The following NEDD9 variants were observed in gnomAD, a reference collection of about 807,000 sequenced individuals.
NEDD9 encodes neural precursor cell expressed, developmentally down-regulated 9.
NEDD9 carries 26 observed loss-of-function variants against 76.6 expected under a neutral mutation model. The observed-to-expected ratio is 0.34, with a 90% CI of 0.25 to 0.47. The LOEUF (loss-of-function observed/expected upper bound fraction) is 0.47. Among genes scored for constraint, NEDD9 ranks in the 20% least tolerant of loss-of-function variants. The probability of loss-of-function intolerance (pLI) is 1.00; values close to 1 mark genes in which losing one functional copy is unlikely to be tolerated. For missense variants in NEDD9, 937 were observed against 1,058.5 expected, an observed-to-expected ratio of 0.89 and a Z score of 1.59; for synonymous variants, 392 against 414.2, an observed-to-expected ratio of 0.95 and a Z score of 0.65.
At chr6:11,197,121 A>G (rs1487876497) in intron 2 of NEDD9, among the ~76,000 whole-genome samples, 1 of 152,156 alleles carries the variant, frequency 6.6e-6, no homozygotes, top group African/African-American at 2.4e-5. Context: ...AGGGGACCTC[A>G]AGTTTGGAAG....
intron 1 of NEDD9, among the ~76,000 whole-genome samples, chr6:11,226,909 G>T (rs1759324339): frequency 1.3e-5 from 2 of 152,178 alleles, no homozygotes; most frequent in African/African-American, 4.8e-5. Flanking sequence ...GGAAAAGAAG[G>T]TTTAAAGTAG....
At chr6:11,334,546 C>G (rs2113510148) in exon 2 of NEDD9, 1 of 152,308 alleles carries the variant, frequency 6.6e-6, no homozygotes, top group South Asian at 2.1e-4. Flanking sequence ...GTTTCTTTCC[C>G]CATTATTCAT....
chr6:11,286,348 T>C (rs774885913), intron 3 of NEDD9, among the ~76,000 whole-genome samples: 3 of 152,194 alleles, frequency 2.0e-5, no homozygotes, highest in African/African-American at 7.2e-5. Flanking sequence ...GACCATAAAA[T>C]GTGTTGGCAA....
rs559591917 is a variant in NEDD9 at position 11,367,708 on chromosome 6, T to A, written c.-214+14431A>T. Among the ~76,000 whole-genome samples the A allele has an allele frequency of 7.2e-4, 109 of 152,348 alleles. 3 individuals are homozygous for A. In the South Asian group the frequency reaches 0.022, roughly 30 times the overall value. Reference sequence around the variant, plus strand: ...TTATTTTTAGTGGAAAGTTTTGTAATGGTTCCTGTCTAATGTTTAACTCTT... The same window carrying A: ...TTATTTTTAGTGGAAAGTTTTGTAAAGGTTCCTGTCTAATGTTTAACTCTT... On this transcript the variant is annotated intron_variant, in intron 1 of 3. Transcript: ENST00000397378.
chr6:11,269,575 C>T (rs759296083), intron 3 of NEDD9, among the ~76,000 whole-genome samples: 3 of 152,020 alleles, frequency 2.0e-5, no homozygotes, highest in Non-Finnish European at 4.4e-5. Context: ...GCCATGCACT[C>T]AATTAAATAA....
upstream of NEDD9, among the ~76,000 whole-genome samples, chr6:11,235,222 T>A (rs1759574614): frequency 3.9e-5 from 6 of 152,140 alleles, no homozygotes. The surrounding 1 kb of genome is among the most constrained non-coding windows in gnomAD (Gnocchi z 4.1). Context: ...TTTGTTAATA[T>A]TTTATGACAT....
rs2113703722 is a variant in NEDD9, at chr6:11,183,810, T to G, written c.*1352A>C. 6.6e-6 allele frequency: 1 copy of G among 152,312 alleles called. No individual in the cohort carries two copies. Among genetic ancestry groups the G allele is most frequent in the South Asian group, 2.1e-4 (1 of 4,830 alleles). The allele number at this position is 152,312 out of a possible 1,614,324, so 9.4% of individuals were successfully genotyped here. ...TGGAATAAAAATGCTAAATAAGAAC[T>G]GGGCCAAAAGATCATAGATAATGTG... On this transcript the variant is annotated 3_prime_UTR_variant, in exon 7 of 7. Transcript: ENST00000379446.
Position 11,185,655 on chromosome 6 carries a change from A to C in NEDD9, c.2012T>G (p.Leu671Arg). The C allele has an allele frequency of 1.2e-6, 2 of 1,614,204 alleles. No homozygotes were observed. Among genetic ancestry groups the C allele is most frequent in the Non-Finnish European group, 8.5e-7 (1 of 1,180,030 alleles). The change falls in exon 7 of 7, where the codon CTG (leucine) becomes CGG (arginine). Residue 671 changes from leucine to arginine, a missense_variant. Leu to Arg is a moderately radical substitution (Grantham distance 102). Coordinates refer to ENST00000379446, the MANE Select transcript of NEDD9 (RefSeq NM_006403.4). The part of the protein sequence containing the change: ...LEHHQLSQFQ[L>R]LEQEITKPVE... ...GGGCTTTGTAATCTCTTGTTCCAACAGCTGGAACTGGCTCAGCTGCAAGGA... is the reference window on the plus strand; with the variant it reads ...GGGCTTTGTAATCTCTTGTTCCAACCGCTGGAACTGGCTCAGCTGCAAGGA...
At chr6:11,369,807 C>T (rs1183428781) in intron 1 of NEDD9, among the ~76,000 whole-genome samples, 1 of 152,128 alleles carries the variant, frequency 6.6e-6, no homozygotes, top group Admixed American at 6.5e-5. Context: ...TTCTTTTTCA[C>T]CAGTAGCACA....
intron 2 of NEDD9, among the ~76,000 whole-genome samples, chr6:11,308,852 TA>T (rs1390462459): frequency 6.6e-6 from 1 of 152,232 alleles, no homozygotes; most frequent in Non-Finnish European, 1.5e-5. Context: ...TCCTTTGTTT[TA>T]AACTCATGAT....
chr6:11,319,637 A>G (rs1761716203), intron 2 of NEDD9, among the ~76,000 whole-genome samples: 1 of 144,390 alleles, frequency 6.9e-6, no homozygotes. Flanking sequence ...ACACACTAAC[A>G]TGCACACTCA....
At chr6:11,294,478 T>A (rs1760847023) in intron 3 of NEDD9, among the ~76,000 whole-genome samples, 1 of 152,140 alleles carries the variant, frequency 6.6e-6, no homozygotes, top group Admixed American at 6.5e-5. Flanking sequence ...CTCCCTCTCC[T>A]GTTCCAGCCA....
At chr6:11,232,335 G>C (rs1172418157) in intron 1 of NEDD9, among the ~76,000 whole-genome samples, 169 bp downstream of exon 1, 1 of 149,950 alleles carries the variant, frequency 6.7e-6, no homozygotes. Context: ...CTCAAAGACC[G>C]GGTCTCTGCT....
intron 2 of NEDD9, among the ~76,000 whole-genome samples, chr6:11,314,619 ATCCAG>A (rs1761490672): frequency 6.6e-6 from 1 of 152,150 alleles, no homozygotes; most frequent in Non-Finnish European, 1.5e-5. Context: ...CTTGTGGACC[ATCCAG>A]TCTATGTTTT....
intron 2 of NEDD9, among the ~76,000 whole-genome samples, chr6:11,321,252 C>T (rs1761794188): frequency 6.6e-6 from 1 of 151,814 alleles, no homozygotes; most frequent in Non-Finnish European, 1.5e-5. Context: ...AGGGAATTGG[C>T]TCTTTCCTGA....
At chr6:11,376,592 G>A (rs1009949889) in intron 1 of NEDD9, among the ~76,000 whole-genome samples, 1 of 152,180 alleles carries the variant, frequency 6.6e-6, no homozygotes, top group Non-Finnish European at 1.5e-5. Flanking sequence ...TTCAAGAGGT[G>A]ACTTGGCTAC....
rs532250200 is a variant in NEDD9, at chr6:11,208,895, C to T, written c.459+4386G>A. ...TTGAACATTTGTAGATTTCATTTAC[C>T]CCAAACCATAATCCCATATTAAGTA... On this transcript the variant is annotated intron_variant, in intron 2 of 6. Coordinates refer to ENST00000379446, the MANE Select transcript of NEDD9 (RefSeq NM_006403.4). Among the ~76,000 whole-genome samples the T allele has an allele frequency of 2.0e-5, 3 of 152,170 alleles. No individual in the cohort carries two copies. The South Asian group carries it at 6.2e-4, about 32-fold the overall frequency.
intron 2 of NEDD9, among the ~76,000 whole-genome samples, chr6:11,211,248 T>C (rs1232133405): frequency 1.3e-5 from 2 of 152,206 alleles, no homozygotes; most frequent in African/African-American, 4.8e-5. Flanking sequence ...TGAGTCCGTA[T>C]CTCTGCCCTC....
chr6:11,201,902 T>C (rs1207842234), intron 2 of NEDD9, among the ~76,000 whole-genome samples: 1 of 152,126 alleles, frequency 6.6e-6, no homozygotes, highest in Non-Finnish European at 1.5e-5. Context: ...GCCTCCAATA[T>C]AGAGATAGTG....
Sources: gnomAD v4.1 joint callset for allele counts (sites outside exome capture counted in the v4.1 genomes callset) on GRCh38, gnomAD v4.1.1 for gene constraint, Gnocchi (gnomAD v3.1) non-coding constraint, MANE v1.5 for transcripts, NCBI Gene and HGNC (gene_info 2026-07-23, HGNC 2026-07-21) for gene names.